The following DCUN1D1 variants were observed in gnomAD, a reference collection of about 807,000 sequenced individuals.
DCUN1D1 encodes the protein DCN1-like protein 1.
DCUN1D1 carries 3 observed loss-of-function variants against 39.0 expected under a neutral mutation model. The observed-to-expected ratio is 0.08, with a 90% confidence interval of 0.04 to 0.20. The LOEUF is 0.20. DCUN1D1 is among the 10% of genes least tolerant of loss of function. The pLI, the probability that DCUN1D1 is intolerant of heterozygous loss-of-function variation, is 1.00. For synonymous variants in DCUN1D1, 82 were observed against 96.3 expected (o/e 0.85, Z 0.87); for missense variants, 158 against 302.4 (o/e 0.52, Z 3.54).
chr3:182,952,039 C>T (rs1726781567), intron 4 of DCUN1D1, among the ~76,000 whole-genome samples: 2 of 152,128 alleles, frequency 1.3e-5, no homozygotes, highest in Admixed American at 6.5e-5. Context: ...TGCCCGGTTT[C>T]CCCATTTCCC....
upstream of DCUN1D1, among the ~76,000 whole-genome samples, chr3:182,981,215 G>T (rs1399591216): frequency 6.6e-6 from 1 of 152,132 alleles, no homozygotes; most frequent in Admixed American, 6.5e-5. Context: ...GTGAGATGGG[G>T]TGGGGTGCAC....
intron 2 of DCUN1D1, among the ~76,000 whole-genome samples, chr3:182,964,910 A>T (rs1280266776): frequency 6.6e-6 from 1 of 152,164 alleles, no homozygotes; most frequent in African/African-American, 2.4e-5. Flanking sequence ...AAGTGCTGGG[A>T]TTACAGGTGT....
chr3:182,973,420 A>T (rs1184860084), intron 1 of DCUN1D1, among the ~76,000 whole-genome samples: 1 of 152,234 alleles, frequency 6.6e-6, no homozygotes, highest in Non-Finnish European at 1.5e-5. Context: ...ATCACAGACA[A>T]GAGGGTATTA....
intron 6 of DCUN1D1, among the ~76,000 whole-genome samples, chr3:182,945,703 C>T (rs1726362416): frequency 6.6e-6 from 1 of 152,174 alleles, no homozygotes; most frequent in African/African-American, 2.4e-5. Context: ...AGTTTTCAAG[C>T]ATTCTGTGGC....
chr3:182,980,136 A>G, intron 1 of DCUN1D1: 1 of 909,210 alleles, frequency 1.1e-6, no homozygotes, highest in African/African-American at 1.8e-5. Flanking sequence ...GGGCAGGGGC[A>G]AGGCCGTTGC....
At chr3:182,957,350 G>T (rs546667060) in intron 4 of DCUN1D1, among the ~76,000 whole-genome samples, 51 of 152,332 alleles carry the variant, frequency 3.3e-4, no homozygotes, top group African/African-American at 1.2e-3. Flanking sequence ...TGGCAGGCTG[G>T]GTGTGGTGGC....
At chr3:182,965,149 GACAA>G (rs1727607301) in intron 2 of DCUN1D1, among the ~76,000 whole-genome samples, 1 of 152,166 alleles carries the variant, frequency 6.6e-6, no homozygotes, top group Non-Finnish European at 1.5e-5. Flanking sequence ...AATAAGAAAA[GACAA>G]ACTATTAACC....
chr3:182,944,809 A>T lies in DCUN1D1; in HGVS notation c.*285T>A. The T allele has an allele frequency of 3.4e-6, 1 of 296,524 alleles. No homozygotes were observed. The highest frequency in any genetic ancestry group is 6.3e-6 in the Non-Finnish European group (1 of 158,948). 18.4% of individuals were successfully genotyped at this position (296,524 alleles called of 1,614,324 possible). A position where few individuals can be genotyped will look rare whatever the true frequency, so the allele number is the denominator to read the frequency against. ...AAATAATCACCATAAAGCTTCTAAG[A>T]CTTATGGGAGAATAAACTAGGATGG... On this transcript the variant is annotated 3_prime_UTR_variant, in exon 7 of 7. Coordinates refer to ENST00000292782, the MANE Select transcript of DCUN1D1 (RefSeq NM_020640.4).
At chr3:182,945,980 T>C (rs1726377854) in intron 6 of DCUN1D1, among the ~76,000 whole-genome samples, 1 of 152,170 alleles carries the variant, frequency 6.6e-6, no homozygotes, top group African/African-American at 2.4e-5. Context: ...CTGATTAGCC[T>C]TAATGATTCC....
At chr3:182,951,269 A>G (rs1378938290) in intron 4 of DCUN1D1, among the ~76,000 whole-genome samples, 1 of 152,114 alleles carries the variant, frequency 6.6e-6, no homozygotes, top group South Asian at 2.1e-4. Flanking sequence ...TATTGCTAGT[A>G]TATTTTTTTC....
Position 182,943,587 on chromosome 3 carries a change from A to G in DCUN1D1, c.*1507T>C, listed in dbSNP as rs955212629. Reference sequence around the variant, plus strand: ...CTATTCTAAGTACATTCCTTTGTTAATATCAACCCTAGACCTTAGAGAGTG... The same window carrying G: ...CTATTCTAAGTACATTCCTTTGTTAGTATCAACCCTAGACCTTAGAGAGTG... On this transcript the variant is annotated 3_prime_UTR_variant, in exon 7 of 7. Transcript: ENST00000292782. The G allele has an allele frequency of 6.6e-6, 1 of 152,306 alleles. No individual in the cohort carries two copies. The highest frequency in any genetic ancestry group is 2.4e-5 in the African/African-American group (1 of 41,456). 9.4% of individuals were successfully genotyped at this position (152,306 alleles called of 1,614,324 possible).
chr3:182,946,956 G>A (rs1726442053), intron 6 of DCUN1D1, among the ~76,000 whole-genome samples: 1 of 152,110 alleles, frequency 6.6e-6, no homozygotes, highest in Non-Finnish European at 1.5e-5. Context: ...TAAGAAATTA[G>A]TCAGGCATTG....
intron 1 of DCUN1D1, 44 bp from the exon 2 acceptor site, chr3:182,965,797 A>G (rs746050098): frequency 8.5e-6 from 11 of 1,287,978 alleles, no homozygotes; most frequent in Middle Eastern, 2.5e-4. Context: ...GTAAAATCAC[A>G]TAAGACTAAA....
At chr3:182,967,513 T>C (rs1727732824) in intron 1 of DCUN1D1, among the ~76,000 whole-genome samples, 1 of 152,182 alleles carries the variant, frequency 6.6e-6, no homozygotes, top group African/African-American at 2.4e-5. Flanking sequence ...GAAAAATATC[T>C]ATGCTCTAGA....
intron 3 of DCUN1D1, among the ~76,000 whole-genome samples, chr3:182,963,468 T>C (rs1252110000): frequency 6.6e-6 from 1 of 152,198 alleles, no homozygotes; most frequent in African/African-American, 2.4e-5. Context: ...GACATTCAGC[T>C]AATCAGCTGT....
chr3:182,980,550 G>C, upstream of DCUN1D1: 1 of 1,208,098 alleles, frequency 8.3e-7, no homozygotes. Flanking sequence ...GACGGCGGCG[G>C]CGGCGGCGGC....
rs190569356 is a variant in DCUN1D1 at position 182,945,325 on chromosome 3, C to G, written c.701-152G>C. 7 of 597,810 alleles carry G rather than the reference C, an allele frequency of 1.2e-5. No individual in the cohort carries two copies. The East Asian group carries it at 2.3e-4, about 19-fold the overall frequency. The allele number at this position is 597,810 out of a possible 1,614,324, so 37.0% of individuals were successfully genotyped here. On this transcript the variant is annotated intron_variant, in intron 6 of 6. Transcript: ENST00000292782. ...CCCACTGATTAAGTCTTTCAAAACT[C>G]AAACTTTTTGGAGTTTTTACCCCAA...
rs1339829558 is a variant in DCUN1D1 at position 182,939,395 on chromosome 3, T to C, written c.*5699A>G. 6.6e-6 allele frequency: 1 copy of C among 152,154 alleles called. No individual in the cohort carries two copies. Among genetic ancestry groups the C allele is most frequent in the Non-Finnish European group, 1.5e-5 (1 of 68,034 alleles). The allele number at this position is 152,154 out of a possible 1,614,324, so 9.4% of individuals were successfully genotyped here. A position where few individuals can be genotyped will look rare whatever the true frequency, so the allele number is the denominator to read the frequency against. On this transcript the variant is annotated 3_prime_UTR_variant, in exon 7 of 7. Transcript: ENST00000292782. ...TGAAAACATGTCCACACAAAGACAT[T>C]TATGAATGTTCATAGCATTATTATT...
chr3:182,973,078 C>T (rs1209390705), intron 1 of DCUN1D1, among the ~76,000 whole-genome samples: 1 of 152,106 alleles, frequency 6.6e-6, no homozygotes, highest in Non-Finnish European at 1.5e-5. Context: ...TACTTTAGTC[C>T]CCTCTTATCC....
Sources: allele counts gnomAD v4.1 joint callset (sites outside exome capture counted in the v4.1 genomes callset), GRCh38; gene constraint gnomAD v4.1.1; transcripts MANE v1.5; gene names NCBI Gene and HGNC (gene_info 2026-07-23, HGNC 2026-07-21).